The following CCDC178 variants were observed in gnomAD, a reference collection of about 807,000 sequenced individuals.
The protein encoded by CCDC178 is coiled-coil domain-containing protein 178.
CCDC178 carries 126 observed loss-of-function variants against 117.4 expected under a neutral mutation model. That is an observed-to-expected ratio of 1.07 (90% CI 0.93 to 1.24). CCDC178 has a LOEUF of 1.24. CCDC178 is among the 50% of genes most tolerant of loss of function. The probability of loss-of-function intolerance (pLI) is 0.00; values close to 1 mark genes in which losing one functional copy is unlikely to be tolerated. For synonymous variants in CCDC178, 283 were observed against 313.4 expected (o/e 0.90, Z 1.02); for missense variants, 1,030 against 986.9 (o/e 1.04, Z -0.59).
intron 4 of CCDC178, among the ~76,000 whole-genome samples, chr18:33,394,368 G>GTGAAA (rs1371197795): frequency 6.6e-6 from 1 of 151,930 alleles, no homozygotes; most frequent in Admixed American, 6.6e-5. Flanking sequence ...CAGAAAGGCA[G>GTGAAA]TGAACCAAGC....
chr18:33,378,268 G>A (rs1380779841), intron 5 of CCDC178, among the ~76,000 whole-genome samples: 3 of 152,160 alleles, frequency 2.0e-5, no homozygotes, highest in Admixed American at 6.6e-5. Flanking sequence ...ATACAGAATT[G>A]CTGCTGAATT....
intron 3 of CCDC178, among the ~76,000 whole-genome samples, chr18:33,406,332 A>T (rs2063779924): frequency 6.6e-6 from 1 of 152,112 alleles, no homozygotes; most frequent in Non-Finnish European, 1.5e-5. Flanking sequence ...ATACTAGGCA[A>T]ATCAATAGAA....
intron 20 of CCDC178, among the ~76,000 whole-genome samples, chr18:33,200,870 T>C (rs1370839509): frequency 6.6e-6 from 1 of 152,212 alleles, no homozygotes; most frequent in African/African-American, 2.4e-5. Flanking sequence ...GCCTTTGTAA[T>C]ACGCTCAGAA....
chr18:33,165,150 A>G (rs977213151), intron 20 of CCDC178, among the ~76,000 whole-genome samples: 2 of 152,166 alleles, frequency 1.3e-5, no homozygotes, highest in African/African-American at 4.8e-5. Flanking sequence ...AAGTTTCTTT[A>G]TCCAAGACAA....
intron 20 of CCDC178, among the ~76,000 whole-genome samples, chr18:33,104,167 AT>A (rs1472097214): frequency 6.6e-6 from 1 of 151,750 alleles, no homozygotes; most frequent in Non-Finnish European, 1.5e-5. Flanking sequence ...TCTTAAAATG[AT>A]TAAGTAAATG....
chr18:33,261,344 A>G (rs1337962476), intron 14 of CCDC178, among the ~76,000 whole-genome samples: 3 of 152,124 alleles, frequency 2.0e-5, no homozygotes, highest in South Asian at 2.1e-4. Flanking sequence ...TGGCCTCCCA[A>G]AGTTCTGGGA....
chr18:33,010,107 A>C (rs971763600), intron 21 of CCDC178, among the ~76,000 whole-genome samples: 1 of 152,200 alleles, frequency 6.6e-6, no homozygotes, highest in Admixed American at 6.5e-5. Context: ...TTCTAATGAG[A>C]GTACAATGGC....
At chr18:33,033,630 C>A (rs529897123) in intron 21 of CCDC178, among the ~76,000 whole-genome samples, 1 of 152,052 alleles carries the variant, frequency 6.6e-6, no homozygotes, top group Non-Finnish European at 1.5e-5. Context: ...TCCCTTCAAC[C>A]TAGAATCCTT....
chr18:33,165,560 T>C (rs1014166634), intron 20 of CCDC178, among the ~76,000 whole-genome samples: 5 of 152,224 alleles, frequency 3.3e-5, no homozygotes, highest in African/African-American at 9.6e-5. Flanking sequence ...CTAATTTTCA[T>C]TTGAAAGCTC....
rs139054267 is a variant in CCDC178 at position 33,225,165 on chromosome 18, T to A, written c.1657-229A>T. Among the ~76,000 whole-genome samples the A allele has an allele frequency of 4.6e-5, 7 of 151,194 alleles. No individual in the cohort carries two copies. In the East Asian group the frequency reaches 1.4e-3, roughly 29 times the overall value. The stretch of plus-strand genomic sequence containing the variant: ...GTAATATAATATAATATATATATGC[T>A]TTTTTTAAATTTTTTGAGGCAGAGT... On this transcript the variant is annotated intron_variant, in intron 16 of 22. Coordinates refer to ENST00000383096, the MANE Select transcript of CCDC178 (RefSeq NM_001105528.4).
chr18:33,354,848 G>A (rs2063032047), intron 7 of CCDC178, among the ~76,000 whole-genome samples: 1 of 152,020 alleles, frequency 6.6e-6, no homozygotes, highest in South Asian at 2.1e-4. Context: ...TCCCTGACAT[G>A]ATCCACCCGC....
At chr18:33,416,143 C>T (rs1246126931) in intron 2 of CCDC178, among the ~76,000 whole-genome samples, 2 of 152,114 alleles carry the variant, frequency 1.3e-5, no homozygotes, top group African/African-American at 4.8e-5. Flanking sequence ...AAAAAACTGC[C>T]CGGGCCGGGA....
intron 5 of CCDC178, among the ~76,000 whole-genome samples, chr18:33,378,452 TATGGC>T (rs1471352847): frequency 6.6e-6 from 1 of 152,170 alleles, no homozygotes; most frequent in Non-Finnish European, 1.5e-5. Context: ...ACCTGATTGC[TATGGC>T]AAGGACTTCC....
intron 12 of CCDC178, among the ~76,000 whole-genome samples, chr18:33,269,508 C>T (rs992706849): frequency 6.6e-6 from 1 of 151,742 alleles, no homozygotes; most frequent in African/African-American, 2.4e-5. Flanking sequence ...ACTACGGCAA[C>T]GTTGGCAACT....
chr18:32,999,588 C>G (rs2055590316), intron 21 of CCDC178, among the ~76,000 whole-genome samples: 1 of 152,162 alleles, frequency 6.6e-6, no homozygotes, highest in Admixed American at 6.5e-5. Context: ...GTGGTGGTGG[C>G]CACAGGAGTG....
intron 21 of CCDC178, among the ~76,000 whole-genome samples, chr18:32,988,097 T>G (rs1568200784): frequency 1.4e-5 from 2 of 143,464 alleles, no homozygotes; most frequent in Admixed American, 7.1e-5. Flanking sequence ...ATAATAATAA[T>G]AATAATAATA....
intron 7 of CCDC178, among the ~76,000 whole-genome samples, chr18:33,354,626 T>G (rs1039381259): frequency 6.6e-6 from 1 of 150,848 alleles, no homozygotes; most frequent in South Asian, 2.1e-4. Context: ...TTTTTTTTTT[T>G]TCCAGACAGA....
chr18:33,396,421 C>T (rs1484941188), intron 4 of CCDC178, among the ~76,000 whole-genome samples: 2 of 151,908 alleles, frequency 1.3e-5, no homozygotes, highest in African/African-American at 2.4e-5. Context: ...ATAGATATAC[C>T]ACATACTTAC....
intron 21 of CCDC178, among the ~76,000 whole-genome samples, chr18:33,011,281 A>C (rs1455847240): frequency 1.3e-5 from 2 of 152,206 alleles, no homozygotes; most frequent in African/African-American, 4.8e-5. Context: ...TTGCAAAATC[A>C]AACATTCAGG....
Sources: gnomAD v4.1 joint callset for allele counts (sites outside exome capture counted in the v4.1 genomes callset) on GRCh38, gnomAD v4.1.1 for gene constraint, MANE v1.5 for transcripts, NCBI Gene and HGNC (gene_info 2026-07-23, HGNC 2026-07-21) for gene names.